The following PCLO variants were observed in gnomAD, a reference collection of about 807,000 sequenced individuals.
PCLO encodes the protein piccolo presynaptic cytomatrix protein, also known as protein piccolo.
In PCLO, 82 loss-of-function variants were observed where a neutral mutation model predicts 427.5. The ratio of observed to expected loss-of-function variants is 0.19; its 90% confidence interval spans 0.16 to 0.23. The LOEUF is 0.23. PCLO is among the 10% of genes least tolerant of loss of function. PCLO has a pLI of 1.00. For missense variants in PCLO, 6,239 were observed against 6,115.9 expected, an observed-to-expected ratio of 1.02 and a Z score of -0.67; for synonymous variants, 2,357 against 2,155.4, an observed-to-expected ratio of 1.09 and a Z score of -2.59.
intron 3 of PCLO, among the ~76,000 whole-genome samples, chr7:82,996,442 T>G (rs570044664): frequency 6.6e-6 from 1 of 152,144 alleles, no homozygotes; most frequent in African/African-American, 2.4e-5. Flanking sequence ...AGTGTTAGGT[T>G]ACCGTGTCAG....
chr7:83,140,865 C>T (rs1260420581), intron 2 of PCLO, among the ~76,000 whole-genome samples: 1 of 152,202 alleles, frequency 6.6e-6, no homozygotes, highest in Non-Finnish European at 1.5e-5. Flanking sequence ...TGAGTAGAGA[C>T]ATACCTGCCT....
intron 10 of PCLO, among the ~76,000 whole-genome samples, chr7:82,856,080 T>C (rs1373507861): frequency 6.6e-6 from 1 of 152,060 alleles, no homozygotes; most frequent in Non-Finnish European, 1.5e-5. Flanking sequence ...ATTGCACTCT[T>C]AGTGGCGTGG....
At position 82,838,189 on chromosome 7, in the gene PCLO, G is replaced by A. The variant is rs753618319; in HGVS notation, c.14222+29C>T. ...ATACTATACTATTGTTTTAAAGCAT[G>A]AGATGAAGTACTTCTTAATTTTACT... On this transcript the variant is annotated intron_variant, in intron 15 of 24. Coordinates refer to ENST00000333891, the MANE Select transcript of PCLO (RefSeq NM_033026.6). The A allele has an allele frequency of 5.2e-6, 8 of 1,530,976 alleles. No individual in the cohort carries two copies. In the South Asian group the frequency reaches 9.4e-5, roughly 18 times the overall value. The allele number at this position is 1,530,976 out of a possible 1,614,324, so 94.8% of individuals were successfully genotyped here. A position where few individuals can be genotyped will look rare whatever the true frequency, so the allele number is the denominator to read the frequency against.
chr7:82,880,619 A>C (rs1480658908), intron 9 of PCLO, among the ~76,000 whole-genome samples: 1 of 152,080 alleles, frequency 6.6e-6, no homozygotes, highest in Non-Finnish European at 1.5e-5. Flanking sequence ...TTTGGTTGTC[A>C]CCGTGGAACG....
At chr7:82,876,455 TACACACAC>T (rs35270740) in intron 10 of PCLO, among the ~76,000 whole-genome samples, 2,842 of 143,206 alleles carry the variant, frequency 0.02, 46 homozygotes, top group Admixed American at 0.036. Context: ...AAAACAAGTA[TACACACAC>T]ACACACACAC....
At chr7:82,794,708 A>C (rs1467997262) in intron 22 of PCLO, among the ~76,000 whole-genome samples, 1 of 151,588 alleles carries the variant, frequency 6.6e-6, no homozygotes, top group African/African-American at 2.4e-5. Context: ...TCCTGAGTTG[A>C]AGCAATCTGT....
chr7:83,131,053 A>G (rs1193056843), intron 3 of PCLO, among the ~76,000 whole-genome samples: 2 of 152,204 alleles, frequency 1.3e-5, no homozygotes, highest in Non-Finnish European at 2.9e-5. Context: ...AGAATGACAA[A>G]AAATTCACTA....
intron 10 of PCLO, among the ~76,000 whole-genome samples, chr7:82,867,727 TG>T (rs1308034484): frequency 6.6e-6 from 1 of 152,192 alleles, no homozygotes; most frequent in African/African-American, 2.4e-5. Flanking sequence ...AATTAGGATT[TG>T]GGGCATTGTA....
chr7:83,050,862 G>A (rs1232286357), intron 3 of PCLO, among the ~76,000 whole-genome samples: 1 of 152,002 alleles, frequency 6.6e-6, no homozygotes, highest in Non-Finnish European at 1.5e-5. Context: ...GCAGTGAGCT[G>A]AGATTGCACC....
Position 82,955,285 on chromosome 7 carries a change from C to G in PCLO, c.5668G>C (p.Val1890Leu). The change falls in exon 5 of 25, where the codon GTT becomes CTT. Residue 1890 changes from valine (V) to leucine (L), a missense_variant. By Grantham distance (32) the Val-to-Leu change is conservative. Around this residue, in one of 5 missense-constraint regions of PCLO, gnomAD observed 4,677 missense variants for 4,468.4 expected, o/e 1.05. Transcript: ENST00000333891. Reference sequence around the variant, plus strand: ...TCATCTGTTGGTGAGTATAATGAAACAGCTGTGGGCAATTTATAAACTTTT... The same window carrying G: ...TCATCTGTTGGTGAGTATAATGAAAGAGCTGTGGGCAATTTATAAACTTTT... ...VQKVYKLPTAVSLYSPTDEQS... is the reference protein window; with the variant it reads ...VQKVYKLPTALSLYSPTDEQS... 6.2e-7 allele frequency: 1 copy of G among 1,613,176 alleles called. No individual in the cohort carries two copies. The highest frequency in any genetic ancestry group is 8.5e-7 in the Non-Finnish European group (1 of 1,179,654).
At chr7:83,081,714 C>T (rs1391946443) in intron 3 of PCLO, among the ~76,000 whole-genome samples, 1 of 151,678 alleles carries the variant, frequency 6.6e-6, no homozygotes, top group Non-Finnish European at 1.5e-5. Flanking sequence ...GATATTTGAG[C>T]CAGCCATAAT....
chr7:82,978,854 ACAAACACACACACAC>A (rs1796083382), intron 3 of PCLO, among the ~76,000 whole-genome samples: 2 of 100,150 alleles, frequency 2.0e-5, no homozygotes, highest in African/African-American at 6.7e-5. Context: ...ACACACACAC[ACAAACACACACACAC>A]ACACACACAC....
Position 82,984,192 on chromosome 7 carries a change from CTT to C in PCLO, c.3301-17707_3301-17706del, listed in dbSNP as rs1796207887. ...AATCAAGTCATTTCAAAGGTGGACT[CTT>C]AATGTGAAAAATTTTCTTTCACTTT... On this transcript the variant is annotated intron_variant, in intron 3 of 24. Coordinates refer to ENST00000333891, the MANE Select transcript of PCLO (RefSeq NM_033026.6). Among the ~76,000 whole-genome samples the C allele has an allele frequency of 3.3e-5, 5 of 152,044 alleles. No homozygotes were observed. In the South Asian group the frequency reaches 1.0e-3, roughly 32 times the overall value.
chr7:83,000,288 AG>A (rs1787787017), intron 3 of PCLO, among the ~76,000 whole-genome samples: 26 of 150,544 alleles, frequency 1.7e-4, no homozygotes, highest in East Asian at 7.9e-4. Flanking sequence ...AGAGAGAGAG[AG>A]AGAGAGAGAG....
chr7:82,821,659 G>A, intron 20 of PCLO: 2 of 967,784 alleles, frequency 2.1e-6, no homozygotes, highest in Non-Finnish European at 2.5e-6. Context: ...TAGGTCAATT[G>A]TTATACTTTG....
chr7:82,861,891 A>C (rs2115917897), intron 10 of PCLO, among the ~76,000 whole-genome samples: 1 of 152,178 alleles, frequency 6.6e-6, no homozygotes, highest in South Asian at 2.1e-4. Context: ...TCAATAAAGA[A>C]ATTTAGAAAT....
chr7:83,135,483 T>C lies in PCLO; in HGVS notation c.2067A>G (p.Ala689=). 6.2e-7 allele frequency: 1 copy of C among 1,613,742 alleles called. No homozygotes were observed. The highest frequency in any genetic ancestry group is 8.5e-7 in the Non-Finnish European group (1 of 1,179,862). ...PQQTSPKKDA[A]PKQDLSKAPE... ...GTGCCTTGGAGAGATCCTGTTTTGG[T>C]GCAGCATCCTTCTTTGGGGAAGTCT... is the stretch of plus-strand genomic sequence containing the variant. Residue 689 remains alanine (A), a synonymous_variant, in exon 3 of 25, where the codon GCA becomes GCG. Coordinates refer to ENST00000333891, the MANE Select transcript of PCLO (RefSeq NM_033026.6).
chr7:82,845,393 A>G lies in PCLO; in HGVS notation c.13924T>C (p.Ser4642Pro). 6.2e-7 allele frequency: 1 copy of G among 1,613,300 alleles called. No homozygotes were observed. Among genetic ancestry groups the G allele is most frequent in the Non-Finnish European group, 8.5e-7 (1 of 1,179,562 alleles). ...ACATGAGATCCTTTTTCAACAACTG[A>G]TGACAGAACCAGCGGTGACTGCTGT... is the stretch of plus-strand genomic sequence containing the variant. ...SLQQSPLVLS[S>P]VVEKGSHVHS... The change falls in exon 13 of 25, where the codon TCA (serine) becomes CCA (proline). Residue 4642 changes from serine (S) to proline (P), a missense_variant. Transcript: ENST00000333891.
chr7:83,106,315 C>T (rs1316067520), intron 3 of PCLO, among the ~76,000 whole-genome samples: 1 of 152,150 alleles, frequency 6.6e-6, no homozygotes, highest in East Asian at 1.9e-4. Context: ...TAAAGTTACC[C>T]TATGGAGCAT....
Sources: allele counts gnomAD v4.1 joint callset (sites outside exome capture counted in the v4.1 genomes callset), GRCh38; gene constraint gnomAD v4.1.1; regional missense constraint gnomAD v4.1.1; transcripts MANE v1.5; gene names NCBI Gene and HGNC (gene_info 2026-07-23, HGNC 2026-07-21).